Variants in ROBO2 observed in about 807,000 individuals in gnomAD.
ROBO2 encodes roundabout homolog 2.
A neutral mutation model predicts 160.8 loss-of-function variants in ROBO2; 53 were observed. That is an observed-to-expected ratio of 0.33 (90% CI 0.26 to 0.41). The LOEUF is 0.41. Ranked by LOEUF, ROBO2 falls within the 10% of genes least tolerant of loss-of-function variation. The pLI, the probability that ROBO2 is intolerant of heterozygous loss-of-function variation, is 1.00. For synonymous variants in ROBO2, 664 were observed against 611.7 expected, an observed-to-expected ratio of 1.09 and a Z score of -1.26; for missense variants, 1,577 against 1,722.4, an observed-to-expected ratio of 0.92 and a Z score of 1.49.
intron 2 of ROBO2, among the ~76,000 whole-genome samples, chr3:77,331,198 C>G (rs1040952163): frequency 6.6e-6 from 1 of 152,124 alleles, no homozygotes; most frequent in Admixed American, 6.5e-5. Context: ...CTTCCTTGTA[C>G]CCTGAACTGA....
intron 2 of ROBO2, among the ~76,000 whole-genome samples, chr3:77,439,812 CA>C (rs1209143085): frequency 1.3e-5 from 2 of 151,994 alleles, no homozygotes; most frequent in Non-Finnish European, 2.9e-5. Flanking sequence ...TCTAGATAAA[CA>C]TTTTATCTGA....
chr3:76,049,403 ATTTTTTT>A (rs1167852972), intron 2 of ROBO2, among the ~76,000 whole-genome samples: 15 of 53,762 alleles, frequency 2.8e-4, no homozygotes, highest in Admixed American at 2.8e-4. Flanking sequence ...ATATATATAT[ATTTTTTT>A]TTTTTTTTTT....
At chr3:76,529,031 T>G (rs1216607132) in intron 2 of ROBO2, among the ~76,000 whole-genome samples, 4 of 151,884 alleles carry the variant, frequency 2.6e-5, no homozygotes, top group African/African-American at 9.7e-5. Flanking sequence ...TTTTATAGAG[T>G]GTGGTGGTGA....
intron 2 of ROBO2, among the ~76,000 whole-genome samples, chr3:76,427,224 A>G (rs907661742): frequency 2.7e-5 from 4 of 150,540 alleles, no homozygotes; most frequent in African/African-American, 9.7e-5. Context: ...TCTGACATTT[A>G]TTATGCATTC....
At chr3:76,223,613 C>T (rs902946091) in intron 2 of ROBO2, among the ~76,000 whole-genome samples, 2 of 152,182 alleles carry the variant, frequency 1.3e-5, no homozygotes, top group Admixed American at 6.5e-5. Context: ...TAACAGTACA[C>T]ATCCTTCAAG....
At chr3:76,483,266 T>C (rs1053423817) in intron 2 of ROBO2, among the ~76,000 whole-genome samples, 3 of 152,092 alleles carry the variant, frequency 2.0e-5, no homozygotes, top group Admixed American at 6.6e-5. Flanking sequence ...TTGTAATAAT[T>C]CTATTACATG....
At chr3:76,738,339 T>A (rs2093748326) in intron 2 of ROBO2, among the ~76,000 whole-genome samples, 1 of 152,074 alleles carries the variant, frequency 6.6e-6, no homozygotes, top group African/African-American at 2.4e-5. Flanking sequence ...TGTTGGAAAG[T>A]TAAGATAGTT....
chr3:77,242,695 G>A lies in ROBO2; in HGVS notation c.388+144355G>A, dbSNP rs537102569. On this transcript the variant is annotated intron_variant, in intron 2 of 25. Coordinates refer to ENST00000461745, the Ensembl canonical transcript of ROBO2. ...AGCGTAAATGTAGAAGGAAGAACAG[G>A]AGATAGTCTTTAACATGTAGGGTAA... is the stretch of plus-strand genomic sequence containing the variant. Among the ~76,000 whole-genome samples, 30 of 152,082 alleles carry A rather than the reference G, an allele frequency of 2.0e-4. 1 individual carries two copies. Among genetic ancestry groups the A allele is most frequent in the African/African-American group, 6.5e-4 (27 of 41,504 alleles).
intron 2 of ROBO2, among the ~76,000 whole-genome samples, chr3:77,020,292 T>C (rs2062548557): frequency 6.6e-6 from 1 of 152,100 alleles, no homozygotes; most frequent in African/African-American, 2.4e-5. Context: ...TTATCAAATA[T>C]TTGGAAGGAG....
chr3:77,109,294 T>G (rs187810429), intron 2 of ROBO2, among the ~76,000 whole-genome samples: 1 of 152,324 alleles, frequency 6.6e-6, no homozygotes, highest in African/African-American at 2.4e-5. Context: ...AGAGATCTGT[T>G]ACACAACAGT....
chr3:77,514,669 C>A (rs2089804541), intron 5 of ROBO2, among the ~76,000 whole-genome samples: 1 of 151,702 alleles, frequency 6.6e-6, no homozygotes, highest in Non-Finnish European at 1.5e-5. Context: ...ATAAAGATGT[C>A]TTTAAATGTA....
chr3:77,493,315 C>A (rs2086367843), exon 5 of ROBO2: 1 of 1,613,670 alleles, frequency 6.2e-7, no homozygotes, highest in African/African-American at 1.3e-5. Context: ...ATTTCGTTGT[C>A]AAGTCCAAGG....
chr3:76,642,872 C>T (rs572049317), intron 2 of ROBO2, among the ~76,000 whole-genome samples: 85 of 152,022 alleles, frequency 5.6e-4, no homozygotes, highest in African/African-American at 1.9e-3. Context: ...AATGAAAATG[C>T]GTCCATAAGA....
chr3:76,682,138 T>C (rs2092579129), intron 2 of ROBO2, among the ~76,000 whole-genome samples: 1 of 152,034 alleles, frequency 6.6e-6, no homozygotes, highest in Admixed American at 6.6e-5. Context: ...GAGTTGCAGA[T>C]GAATTTGAAC....
chr3:76,357,154 C>T (rs1306905668), intron 2 of ROBO2, among the ~76,000 whole-genome samples: 1 of 151,818 alleles, frequency 6.6e-6, no homozygotes, highest in Non-Finnish European at 1.5e-5. Context: ...GAATACTACA[C>T]AGCTGTTTAA....
At chr3:77,287,641 T>C (rs751646739) in intron 2 of ROBO2, among the ~76,000 whole-genome samples, 1 of 152,184 alleles carries the variant, frequency 6.6e-6, no homozygotes, top group African/African-American at 2.4e-5. Flanking sequence ...GATGGATTTT[T>C]AGAGGATTTT....
intron 2 of ROBO2, among the ~76,000 whole-genome samples, chr3:76,840,006 T>A (rs188488117): frequency 3.3e-5 from 5 of 152,298 alleles, no homozygotes; most frequent in African/African-American, 7.2e-5. Context: ...CTGTGTTGGT[T>A]ATAAAGTCCT....
chr3:75,947,051 G>A (rs111794096), intron 2 of ROBO2, among the ~76,000 whole-genome samples: 11 of 152,040 alleles, frequency 7.2e-5, no homozygotes, highest in African/African-American at 2.7e-4. Flanking sequence ...TGATTTGAAG[G>A]TGATTGAATT....
intron 2 of ROBO2, among the ~76,000 whole-genome samples, chr3:76,983,082 G>C (rs2060180931): frequency 6.6e-6 from 1 of 151,934 alleles, no homozygotes; most frequent in South Asian, 2.1e-4. Context: ...TCAGGAGTTT[G>C]AGACCAGCCT....
Sources: gnomAD v4.1 joint callset for allele counts (sites outside exome capture counted in the v4.1 genomes callset) on GRCh38, gnomAD v4.1.1 for gene constraint, MANE v1.5 for transcripts, NCBI Gene and HGNC (gene_info 2026-07-23, HGNC 2026-07-21) for gene names.